Variants in ERBIN observed in about 807,000 individuals in gnomAD.
The protein encoded by ERBIN is densin-180-like protein.
Under a neutral mutation model 158.4 loss-of-function variants are expected in ERBIN, and 60 were observed. That is an observed-to-expected ratio of 0.38 (90% CI 0.31 to 0.47). The LOEUF (loss-of-function observed/expected upper bound fraction) is 0.47. Ranked by LOEUF, ERBIN falls within the 20% of genes least tolerant of loss-of-function variation. ERBIN has a pLI of 0.99. For synonymous variants in ERBIN, 594 were observed against 557.2 expected, an observed-to-expected ratio of 1.07 and a Z score of -0.93; for missense variants, 1,610 against 1,648.0, an observed-to-expected ratio of 0.98 and a Z score of 0.40.
At chr5:65,990,613 G>A (rs1337174612) in intron 2 of ERBIN, among the ~76,000 whole-genome samples, 2 of 150,718 alleles carry the variant, frequency 1.3e-5, no homozygotes, top group Non-Finnish European at 3.0e-5. Context: ...AGCTGAGATC[G>A]TGCCACTGCA....
chr5:66,007,425 GATAT>G (rs879737438), intron 4 of ERBIN, among the ~76,000 whole-genome samples: 1 of 40,578 alleles, frequency 2.5e-5, no homozygotes, highest in Non-Finnish European at 6.0e-5. Context: ...AGCGTTAGGA[GATAT>G]ACCTATACCT....
At chr5:65,967,500 A>G (rs1410717578) in intron 1 of ERBIN, among the ~76,000 whole-genome samples, 1 of 152,220 alleles carries the variant, frequency 6.6e-6, no homozygotes, top group Non-Finnish European at 1.5e-5. Context: ...TGCTGTATTC[A>G]GTACATCAGC....
chr5:65,985,294 T>C (rs1039232057), intron 1 of ERBIN, among the ~76,000 whole-genome samples: 1 of 152,238 alleles, frequency 6.6e-6, no homozygotes, highest in Non-Finnish European at 1.5e-5. Context: ...GGTTTCACCA[T>C]GTTGGCCAGG....
At chr5:66,013,971 T>C (rs1754463825) in intron 6 of ERBIN, among the ~76,000 whole-genome samples, 1 of 152,168 alleles carries the variant, frequency 6.6e-6, no homozygotes, top group South Asian at 2.1e-4. Flanking sequence ...TCTTCTCCCC[T>C]GGAATCAAAA....
At chr5:66,022,369 A>G (rs1755791514) in intron 8 of ERBIN, among the ~76,000 whole-genome samples, 1 of 152,228 alleles carries the variant, frequency 6.6e-6, no homozygotes, top group African/African-American at 2.4e-5. Flanking sequence ...GTCTTCCAAC[A>G]TTATACACTT....
chr5:65,987,682 G>A (rs572151969), intron 1 of ERBIN, among the ~76,000 whole-genome samples: 18 of 151,986 alleles, frequency 1.2e-4, no homozygotes, highest in South Asian at 2.1e-4. Context: ...GCAAAACCCC[G>A]TCTCTCTAAA....
intron 14 of ERBIN, among the ~76,000 whole-genome samples, chr5:66,031,150 AGAG>A (rs1253545927): frequency 6.6e-6 from 1 of 152,222 alleles, no homozygotes; most frequent in Non-Finnish European, 1.5e-5. Flanking sequence ...AATGACATGT[AGAG>A]GAGAAGGTAT....
In ERBIN at chr5:66,054,132, A is replaced by G. The variant is rs1759339991; in HGVS notation, c.2814A>G (p.Ser938=). 17 of 1,614,068 alleles carry G rather than the reference A, an allele frequency of 1.1e-5. No homozygotes were observed. Among genetic ancestry groups the G allele is most frequent in the Non-Finnish European group, 1.4e-5 (17 of 1,180,044 alleles). Residue 938 remains serine, a synonymous_variant, in exon 21 of 26, where the codon TCA becomes TCG. Transcript: ENST00000284037. ...TGSSSSSDLI[S]GTKAIFKFDS... ...CTTCCTCATCTTCTGATTTAATATC[A>G]GGAACAAAGGCAATTTTCAAGTTTG...
In ERBIN at chr5:66,082,420, A is replaced by G. The variant is rs969146639; in HGVS notation, c.*3890A>G. 2.6e-5 allele frequency: 4 copies of G among 152,250 alleles called. No homozygotes were observed. Among genetic ancestry groups the G allele is most frequent in the African/African-American group, 7.2e-5 (3 of 41,470 alleles). 9.4% of individuals were successfully genotyped at this position (152,250 alleles called of 1,614,324 possible). A position where few individuals can be genotyped will look rare whatever the true frequency, so the allele number is the denominator to read the frequency against. ...ACGCATCTGCCCATCTAGCTTCTCAATCGGCCCACGGTTTTATTTCAGGAT... is the reference window on the plus strand; with the variant it reads ...ACGCATCTGCCCATCTAGCTTCTCAGTCGGCCCACGGTTTTATTTCAGGAT... On this transcript the variant is annotated 3_prime_UTR_variant, in exon 26 of 26. Coordinates refer to ENST00000284037, the MANE Select transcript of ERBIN (RefSeq NM_001253697.2).
At chr5:65,965,382 GTTTTTTT>G (rs200847060) in intron 1 of ERBIN, among the ~76,000 whole-genome samples, 116 of 96,052 alleles carry the variant, frequency 1.2e-3, no homozygotes, top group African/African-American at 4.4e-3. Flanking sequence ...GTTTTTTGTT[GTTTTTTT>G]TTTTTTTTTT....
At chr5:65,975,572 C>T (rs1351249395) in intron 1 of ERBIN, among the ~76,000 whole-genome samples, 1 of 152,226 alleles carries the variant, frequency 6.6e-6, no homozygotes. Context: ...TCCCACAGTG[C>T]TGGGATTACA....
chr5:66,055,473 A>C (rs1759496184), intron 21 of ERBIN, among the ~76,000 whole-genome samples: 1 of 152,120 alleles, frequency 6.6e-6, no homozygotes, highest in Non-Finnish European at 1.5e-5. Context: ...TTTCTGACCT[A>C]CTTAAACTCA....
intron 14 of ERBIN, among the ~76,000 whole-genome samples, chr5:66,029,673 C>T (rs1399133122): frequency 6.6e-6 from 1 of 151,960 alleles, no homozygotes; most frequent in Non-Finnish European, 1.5e-5. Flanking sequence ...GACGTGACCT[C>T]AGCTCACTGC....
At chr5:65,990,283 C>T (rs1266570890) in intron 2 of ERBIN, among the ~76,000 whole-genome samples, 1 of 152,194 alleles carries the variant, frequency 6.6e-6, no homozygotes, top group Non-Finnish European at 1.5e-5. Flanking sequence ...ATGCAGATAA[C>T]AGCACATATC....
chr5:66,014,805 AC>A (rs1754546056), intron 7 of ERBIN, 80 bp downstream of exon 7: 1 of 648,414 alleles, frequency 1.5e-6, no homozygotes, highest in Non-Finnish European at 2.5e-6. Flanking sequence ...AATTTTTATT[AC>A]CTAAAATGTG....
chr5:66,019,168 A>T (rs1435055947), intron 7 of ERBIN, among the ~76,000 whole-genome samples: 1 of 152,128 alleles, frequency 6.6e-6, no homozygotes, highest in Non-Finnish European at 1.5e-5. Flanking sequence ...CTTATTTTCC[A>T]ATTTGGATGC....
intron 1 of ERBIN, among the ~76,000 whole-genome samples, chr5:65,946,256 C>G (rs1371283331): frequency 6.6e-6 from 1 of 151,966 alleles, no homozygotes; most frequent in Non-Finnish European, 1.5e-5. Context: ...CTCAGCTACT[C>G]AGGAGGCTAA....
At chr5:66,021,279 T>G in intron 7 of ERBIN, 43 bp from the exon 8 acceptor site, 17 of 1,284,760 alleles carry the variant, frequency 1.3e-5, no homozygotes, top group Non-Finnish European at 1.8e-5. Flanking sequence ...TCCATGTAAT[T>G]GATATTTTTC....
chr5:65,927,359 G>C lies in ERBIN; in HGVS notation c.-58+553G>C, dbSNP rs150262909. Among the ~76,000 whole-genome samples the C allele has an allele frequency of 4.7e-3, 710 of 152,144 alleles. 23 individuals carry two copies. The highest frequency in any genetic ancestry group is 0.038 in the Admixed American group (585 of 15,268). On this transcript the variant is annotated intron_variant, in intron 1 of 25. Transcript: ENST00000284037. ...TAGATTTTAGAAACCAAAAAATCTT[G>C]CCATTCTTAGTTGTTTTTCAGGGTG... is the stretch of plus-strand genomic sequence containing the variant.
Sources: gnomAD v4.1 joint callset for allele counts (sites outside exome capture counted in the v4.1 genomes callset) on GRCh38, gnomAD v4.1.1 for gene constraint, MANE v1.5 for transcripts, NCBI Gene and HGNC (gene_info 2026-07-23, HGNC 2026-07-21) for gene names.